BMPR1A: variants seen among roughly 807,000 people sequenced by gnomAD.
BMPR1A encodes bone morphogenetic protein receptor type-1A.
In BMPR1A, 7 loss-of-function variants were observed where a neutral mutation model predicts 66.0. The ratio of observed to expected loss-of-function variants is 0.11; its 90% CI spans 0.06 to 0.20. The LOEUF is 0.20. Among genes scored for constraint, BMPR1A ranks in the 10% least tolerant of loss-of-function variants. BMPR1A has a pLI of 1.00. For synonymous variants in BMPR1A, 200 were observed against 229.7 expected, an observed-to-expected ratio of 0.87 and a Z score of 1.17; for missense variants, 408 against 669.1, an observed-to-expected ratio of 0.61 and a Z score of 4.31.
At chr10:86,887,549 AATT>A (rs1275646546) in intron 3 of BMPR1A, among the ~76,000 whole-genome samples, 10 of 152,154 alleles carry the variant, frequency 6.6e-5, no homozygotes, top group African/African-American at 2.4e-4. Context: ...ATTAGGCAGG[AATT>A]ATTATCCCCA....
At chr10:86,813,747 G>A (rs572677958) in intron 1 of BMPR1A, among the ~76,000 whole-genome samples, 21 of 152,050 alleles carry the variant, frequency 1.4e-4, no homozygotes, top group African/African-American at 4.6e-4. Context: ...GTTCCTCTTC[G>A]TCCCTGTGTA....
intron 1 of BMPR1A, among the ~76,000 whole-genome samples, chr10:86,821,632 T>G (rs1423803802): frequency 6.6e-6 from 1 of 152,178 alleles, no homozygotes; most frequent in Non-Finnish European, 1.5e-5. Flanking sequence ...CAAAAAACTT[T>G]ATGCTATTGC....
At chr10:86,851,452 T>C (rs1043015714) in intron 2 of BMPR1A, among the ~76,000 whole-genome samples, 4 of 152,218 alleles carry the variant, frequency 2.6e-5, no homozygotes, top group African/African-American at 9.6e-5. Flanking sequence ...GGAGGAATCA[T>C]GTCTCTTTTA....
rs1554888990 is a variant in BMPR1A at position 86,899,899 on chromosome 10, GC to G, written c.430+11del. ...GCCCCCTGTTGTCATAGGTAGGTTA[GC>G]CGAGAAAAGTCGGAGCATGCTTCTC... On this transcript the variant is annotated intron_variant, in intron 6 of 12. Transcript: ENST00000372037. The G allele has an allele frequency of 1.2e-6, 2 of 1,613,500 alleles. No homozygotes were observed. The highest frequency in any genetic ancestry group is 1.7e-6 in the Non-Finnish European group (2 of 1,179,402).
At chr10:86,883,344 A>G (rs1843017714) in intron 3 of BMPR1A, among the ~76,000 whole-genome samples, 3 of 151,790 alleles carry the variant, frequency 2.0e-5, no homozygotes, top group Admixed American at 6.6e-5. Context: ...AGGTCAGGAG[A>G]TAGAGACCAT....
chr10:86,796,667 C>G (rs976777619), intron 1 of BMPR1A, among the ~76,000 whole-genome samples: 2 of 151,920 alleles, frequency 1.3e-5, no homozygotes, highest in African/African-American at 4.8e-5. Context: ...ACTTCCCCCT[C>G]CTAGGCTCTA....
intron 3 of BMPR1A, among the ~76,000 whole-genome samples, chr10:86,882,736 G>A (rs141235492): frequency 4.2e-4 from 63 of 150,356 alleles, no homozygotes; most frequent in African/African-American, 1.3e-3. Flanking sequence ...AGGCTGAGAC[G>A]GGCGGATCAC....
intron 1 of BMPR1A, among the ~76,000 whole-genome samples, chr10:86,791,637 CAT>C (rs1366902914): frequency 6.6e-6 from 1 of 150,584 alleles, no homozygotes. Flanking sequence ...CTGTCCATCT[CAT>C]TAAGAGACGT....
intron 3 of BMPR1A, among the ~76,000 whole-genome samples, chr10:86,887,034 T>C (rs1329464248): frequency 1.3e-5 from 2 of 152,046 alleles, no homozygotes; most frequent in African/African-American, 4.8e-5. Flanking sequence ...GGTTTCACCA[T>C]GTTGACCAGG....
At chr10:86,917,615 C>G (rs1843594817) in intron 9 of BMPR1A, among the ~76,000 whole-genome samples, 1 of 152,176 alleles carries the variant, frequency 6.6e-6, no homozygotes, top group African/African-American at 2.4e-5. Flanking sequence ...ATAACTTAAG[C>G]AGTGATTTAG....
intron 2 of BMPR1A, among the ~76,000 whole-genome samples, chr10:86,873,080 G>A (rs1842872889): frequency 6.6e-6 from 1 of 152,160 alleles, no homozygotes; most frequent in South Asian, 2.1e-4. Flanking sequence ...GAGTCTCACG[G>A]CCAGCCAGCT....
intron 1 of BMPR1A, among the ~76,000 whole-genome samples, chr10:86,758,605 C>T (rs1465048738): frequency 6.6e-6 from 1 of 152,264 alleles, no homozygotes; most frequent in African/African-American, 2.4e-5. Context: ...TTTTAAAAAG[C>T]TTGTTCGTAA....
Position 86,892,193 on chromosome 10 carries a change from G to A in BMPR1A, c.297G>A (p.Gly99=). 1 of 1,613,930 alleles carries A rather than the reference G, an allele frequency of 6.2e-7. No homozygotes were observed. The highest frequency in any genetic ancestry group is 8.5e-7 in the Non-Finnish European group (1 of 1,179,840). ...AGGGAGAAACCACATTAGCTTCAGG[G>A]TGTATGAAATATGAAGGATCTGATT... ...DDQGETTLAS[G]CMKYEGSDFQ... is the part of the protein sequence containing the mutation. Residue 99 remains glycine (G), a synonymous_variant, in exon 5 of 13, where the codon GGG becomes GGA. Coordinates refer to ENST00000372037, the MANE Select transcript of BMPR1A (RefSeq NM_004329.3).
intron 1 of BMPR1A, among the ~76,000 whole-genome samples, chr10:86,809,617 T>TTTTTCTG (rs1841941540): frequency 2.0e-5 from 3 of 148,062 alleles, no homozygotes; most frequent in African/African-American, 7.6e-5. Flanking sequence ...TTTTTTCTCT[T>TTTTTCTG]TTTTCTTTTT....
At chr10:86,799,490 CTTCCTTCCTTCCTTCCTTTCT>C (rs1245206018) in intron 1 of BMPR1A, among the ~76,000 whole-genome samples, 60 of 114,252 alleles carry the variant, frequency 5.3e-4, no homozygotes, top group Admixed American at 4.2e-4. Context: ...TCCTTCCTTC[CTTCCTTCCTTCCTTCCTTTCT>C]TTTCTTTTCT....
intron 5 of BMPR1A, among the ~76,000 whole-genome samples, chr10:86,892,686 G>A (rs542441781): frequency 4.0e-5 from 6 of 151,880 alleles, no homozygotes; most frequent in East Asian, 1.9e-4. Flanking sequence ...GCATCGGCCC[G>A]CAAAGTGCTG....
chr10:86,898,251 A>G (rs888606448), intron 5 of BMPR1A, among the ~76,000 whole-genome samples: 1 of 151,542 alleles, frequency 6.6e-6, no homozygotes, highest in African/African-American at 2.4e-5. Flanking sequence ...TATAACACAT[A>G]TATATATAAC....
At chr10:86,774,825 C>CA (rs1841320882) in intron 1 of BMPR1A, among the ~76,000 whole-genome samples, 1 of 152,160 alleles carries the variant, frequency 6.6e-6, no homozygotes, top group Non-Finnish European at 1.5e-5. Flanking sequence ...GAAAACAATA[C>CA]AACCATCTCA....
At chr10:86,757,583 T>A (rs569611963) in intron 1 of BMPR1A, among the ~76,000 whole-genome samples, 2 of 152,184 alleles carry the variant, frequency 1.3e-5, no homozygotes, top group Non-Finnish European at 2.9e-5. Flanking sequence ...AAAAATAATA[T>A]GCTGTGTGTT....
Sources: allele counts gnomAD v4.1 joint callset (sites outside exome capture counted in the v4.1 genomes callset), GRCh38; gene constraint gnomAD v4.1.1; transcripts MANE v1.5; gene names NCBI Gene and HGNC (gene_info 2026-07-23, HGNC 2026-07-21).